The following ATF7 variants were observed in gnomAD, a reference collection of about 807,000 sequenced individuals.
ATF7 encodes the protein activating transcription factor 7.
ATF7 carries 10 observed loss-of-function variants against 50.4 expected under a neutral mutation model. The observed-to-expected ratio is 0.20, with a 90% CI of 0.12 to 0.34. ATF7 has a LOEUF of 0.34. ATF7 is among the 10% of genes least tolerant of loss of function. The pLI is 1.00. For synonymous variants in ATF7, 201 were observed against 226.4 expected (o/e 0.89, Z 1.01); for missense variants, 465 against 613.9 (o/e 0.76, Z 2.56).
chr12:53,621,681 C>G (rs1195676022), intron 1 of ATF7, among the ~76,000 whole-genome samples: 1 of 149,580 alleles, frequency 6.7e-6, no homozygotes, highest in Non-Finnish European at 1.5e-5. Flanking sequence ...CCCAACTACT[C>G]TGGTGGCTGA....
intron 2 of ATF7, among the ~76,000 whole-genome samples, chr12:53,586,216 A>G (rs1261825445): frequency 6.6e-6 from 1 of 152,224 alleles, no homozygotes; most frequent in African/African-American, 2.4e-5. Context: ...GATATTTTAT[A>G]AAACATACAC....
intron 1 of ATF7, among the ~76,000 whole-genome samples, chr12:53,615,530 G>A (rs1403645455): frequency 1.3e-5 from 2 of 152,166 alleles, no homozygotes; most frequent in African/African-American, 4.8e-5. Context: ...GTACCAACAT[G>A]ATTCATTTAC....
intron 2 of ATF7, among the ~76,000 whole-genome samples, chr12:53,579,251 A>G (rs956227576): frequency 3.3e-5 from 5 of 150,592 alleles, no homozygotes; most frequent in African/African-American, 4.9e-5. Flanking sequence ...CTTAAAAAAA[A>G]GGGCCGGGTG....
chr12:53,532,817 C>CT (rs1489137964), intron 7 of ATF7, among the ~76,000 whole-genome samples, 194 bp from the exon 8 acceptor site: 2 of 152,136 alleles, frequency 1.3e-5, no homozygotes, highest in Admixed American at 1.3e-4. Context: ...GAATTTAATC[C>CT]TTCAGTGTTG....
At chr12:53,552,443 G>T in intron 3 of ATF7, 98 bp downstream of exon 3, 1 of 926,380 alleles carries the variant, frequency 1.1e-6, no homozygotes, top group Non-Finnish European at 1.7e-6. Flanking sequence ...GGCTCTTAAT[G>T]GGAGAAAGGG....
chr12:53,563,057 C>T (rs568098565), intron 2 of ATF7, among the ~76,000 whole-genome samples: 204 of 152,230 alleles, frequency 1.3e-3, no homozygotes, highest in Middle Eastern at 3.4e-3. Context: ...TACTGATCTG[C>T]GAAGTCTATT....
intron 2 of ATF7, among the ~76,000 whole-genome samples, chr12:53,562,853 A>G (rs1470274682): frequency 6.6e-6 from 1 of 152,198 alleles, no homozygotes; most frequent in Non-Finnish European, 1.5e-5. Flanking sequence ...CACAGGAAAA[A>G]GACAAAATGG....
At chr12:53,551,541 C>A (rs1205267096) in intron 3 of ATF7, among the ~76,000 whole-genome samples, 1 of 152,208 alleles carries the variant, frequency 6.6e-6, no homozygotes, top group Admixed American at 6.5e-5. Context: ...AATCTACAAG[C>A]TCCTAGCAAA....
Position 53,542,987 on chromosome 12 carries a change from T to C in ATF7, c.264+343A>G, listed in dbSNP as rs1939664133. The C allele has an allele frequency of 3.4e-6, 4 of 1,187,780 alleles. No homozygotes were observed. In the South Asian group the frequency reaches 1.1e-4, roughly 34 times the overall value. The allele number at this position is 1,187,780 out of a possible 1,614,324, so 73.6% of individuals were successfully genotyped here. On this transcript the variant is annotated intron_variant, in intron 4 of 11. Transcript: ENST00000420353. ...GAAAAGAGTGGAATTTGGCAACAAA[T>C]ATGTTATCCAACAAAATCTGAGTAA...
At chr12:53,544,974 C>A (rs1939806121) in intron 3 of ATF7, among the ~76,000 whole-genome samples, 1 of 152,146 alleles carries the variant, frequency 6.6e-6, no homozygotes, top group African/African-American at 2.4e-5. Flanking sequence ...TCCCTCCATC[C>A]CTGGATGAGT....
chr12:53,616,583 A>C (rs1944127283), intron 1 of ATF7, among the ~76,000 whole-genome samples: 1 of 152,216 alleles, frequency 6.6e-6, no homozygotes, highest in African/African-American at 2.4e-5. Context: ...AAAGAAAAAA[A>C]GAAACTTTAT....
intron 2 of ATF7, among the ~76,000 whole-genome samples, chr12:53,578,512 T>G (rs1408324019): frequency 2.0e-5 from 3 of 152,018 alleles, no homozygotes; most frequent in Admixed American, 6.6e-5. Flanking sequence ...CTAGGCACGG[T>G]GGCTCATGCC....
At chr12:53,521,383 A>G (rs1389840155) in intron 11 of ATF7, among the ~76,000 whole-genome samples, 3 of 152,148 alleles carry the variant, frequency 2.0e-5, no homozygotes, top group Admixed American at 6.5e-5. Flanking sequence ...GAGACCCTAC[A>G]TAAAATGCTG....
At chr12:53,620,393 G>A (rs1461396096) in intron 1 of ATF7, among the ~76,000 whole-genome samples, 2 of 151,398 alleles carry the variant, frequency 1.3e-5, no homozygotes, top group African/African-American at 4.8e-5. Context: ...TGGCTAAAAC[G>A]GTGAAACCCC....
At chr12:53,549,906 C>T (rs970980317) in intron 3 of ATF7, among the ~76,000 whole-genome samples, 4 of 151,980 alleles carry the variant, frequency 2.6e-5, no homozygotes, top group African/African-American at 9.7e-5. Context: ...TTAGTAGAGA[C>T]GGGGTTTCAC....
chr12:53,613,105 A>C (rs1012810827), intron 1 of ATF7, among the ~76,000 whole-genome samples: 1 of 152,260 alleles, frequency 6.6e-6, no homozygotes, highest in South Asian at 2.1e-4. Flanking sequence ...AGTACTAAAA[A>C]GTTCACAGAT....
intron 1 of ATF7, among the ~76,000 whole-genome samples, chr12:53,604,843 G>A (rs1943538880): frequency 6.6e-6 from 1 of 151,984 alleles, no homozygotes; most frequent in South Asian, 2.1e-4. Context: ...CACTAATAAG[G>A]AACTACCAAG....
downstream of ATF7, among the ~76,000 whole-genome samples, chr12:53,509,066 C>G (rs988454999): frequency 1.3e-5 from 2 of 152,136 alleles, no homozygotes; most frequent in Non-Finnish European, 2.9e-5. Context: ...TGGAGCATCC[C>G]CACCAGTGTG....
rs1944164663 is a variant in ATF7, at chr12:53,512,669, C to T, written c.*4468G>A. 1.3e-5 allele frequency: 2 copies of T among 152,078 alleles called. No homozygotes were observed. The highest frequency in any genetic ancestry group is 6.6e-5 in the Admixed American group (1 of 15,260). The allele number at this position is 152,078 out of a possible 1,614,324, so 9.4% of individuals were successfully genotyped here. On this transcript the variant is annotated 3_prime_UTR_variant, in exon 12 of 12. Transcript: ENST00000420353. ...GAATATGGGACAACTCCTGTCCAGA[C>T]CAATGCATGGTTTTAGGGATACGAC...
Sources: gnomAD v4.1 joint callset for allele counts (sites outside exome capture counted in the v4.1 genomes callset) on GRCh38, gnomAD v4.1.1 for gene constraint, MANE v1.5 for transcripts, NCBI Gene and HGNC (gene_info 2026-07-23, HGNC 2026-07-21) for gene names.